HTR4: variants seen among roughly 807,000 people sequenced by gnomAD.
The protein encoded by HTR4 is 5-hydroxytryptamine receptor 4, also known as 5-hydroxytryptamine (serotonin) receptor 4, G protein-coupled.
HTR4 carries 16 observed loss-of-function variants against 36.8 expected under a neutral mutation model. The observed-to-expected ratio is 0.43, with a 90% CI of 0.29 to 0.66. The LOEUF (loss-of-function observed/expected upper bound fraction) is 0.66. Ranked by LOEUF, HTR4 falls within the 30% of genes least tolerant of loss-of-function variation. HTR4 has a pLI of 0.13. For missense variants in HTR4, 438 were observed against 490.9 expected (o/e 0.89, Z 1.02); for synonymous variants, 189 against 185.1 (o/e 1.02, Z -0.17).
intron 4 of HTR4, among the ~76,000 whole-genome samples, chr5:148,528,785 A>G (rs138714092): frequency 3.0e-4 from 45 of 152,222 alleles, no homozygotes; most frequent in African/African-American, 1.0e-3. Flanking sequence ...CCACCACTAG[A>G]CAGAATTAGC....
chr5:148,481,114 C>T (rs1418618574), downstream of HTR4, among the ~76,000 whole-genome samples: 1 of 152,206 alleles, frequency 6.6e-6, no homozygotes, highest in Non-Finnish European at 1.5e-5. Flanking sequence ...TGGGCAGCCA[C>T]AGCAGATTGG....
intron 2 of HTR4, among the ~76,000 whole-genome samples, chr5:148,613,610 A>G (rs948837525): frequency 3.5e-4 from 52 of 150,518 alleles, no homozygotes; most frequent in Admixed American, 3.2e-3. Flanking sequence ...ATTCCCTTTG[A>G]AAACTGGCAC....
chr5:148,499,247 C>T (rs1253091004), intron 6 of HTR4, among the ~76,000 whole-genome samples: 1 of 152,070 alleles, frequency 6.6e-6, no homozygotes, highest in Non-Finnish European at 1.5e-5. Context: ...TTAGGGCTCT[C>T]AAATATAGTA....
chr5:148,488,341 C>A (rs192798233), intron 6 of HTR4, among the ~76,000 whole-genome samples: 3 of 152,342 alleles, frequency 2.0e-5, no homozygotes, highest in Admixed American at 2.0e-4. Context: ...TCTGGTTTAA[C>A]AAGTCTCTAA....
intron 5 of HTR4, among the ~76,000 whole-genome samples, chr5:148,469,305 T>A (rs1172599132): frequency 2.0e-5 from 3 of 152,230 alleles, no homozygotes; most frequent in African/African-American, 4.8e-5. Context: ...TAGCTTTTTT[T>A]ATAGTCATCA....
chr5:148,648,488 A>G (rs1753938969), intron 1 of HTR4, among the ~76,000 whole-genome samples: 1 of 152,216 alleles, frequency 6.6e-6, no homozygotes, highest in Non-Finnish European at 1.5e-5. Flanking sequence ...GGGTTGCCCA[A>G]TGTGCAGGAA....
At chr5:148,513,529 T>A (rs930370813) in intron 5 of HTR4, among the ~76,000 whole-genome samples, 1 of 152,238 alleles carries the variant, frequency 6.6e-6, no homozygotes, top group African/African-American at 2.4e-5. Flanking sequence ...CTTTAACTTC[T>A]ATAACTTCAT....
rs558375033 is a variant in HTR4 at position 148,509,760 on chromosome 5, C to G, written c.772G>C (p.Ala258Pro). ...THRMRTETKA[A>P]KTLCIIMGCF... ...CCCATGATGATGCACAGGGTCTTGG[C>G]TGCTTTGGTCTCTGTCCTCATGCGA... Residue 258 changes from alanine (A) to proline (P), a missense_variant, in exon 6 of 7, where the codon GCC (alanine) becomes CCC (proline). Coordinates refer to ENST00000377888, the MANE Select transcript of HTR4 (RefSeq NM_000870.7). 6.2e-7 allele frequency: 1 copy of G among 1,613,948 alleles called. No individual in the cohort carries two copies. The highest frequency in any genetic ancestry group is 8.5e-7 in the Non-Finnish European group (1 of 1,180,014).
intron 2 of HTR4, among the ~76,000 whole-genome samples, chr5:148,571,756 GA>G (rs964141537): frequency 3.3e-5 from 5 of 152,048 alleles, no homozygotes; most frequent in Non-Finnish European, 7.4e-5. Context: ...GAAGCTCAGA[GA>G]ATGTCAAAGG....
At chr5:148,557,997 C>T (rs1173512952) in intron 2 of HTR4, among the ~76,000 whole-genome samples, 2 of 151,812 alleles carry the variant, frequency 1.3e-5, no homozygotes, top group Non-Finnish European at 2.9e-5. Flanking sequence ...TCTCCTCTCC[C>T]ACCTGTTAGG....
At chr5:148,498,696 T>C (rs1046334988) in intron 6 of HTR4, among the ~76,000 whole-genome samples, 1 of 152,106 alleles carries the variant, frequency 6.6e-6, no homozygotes, top group African/African-American at 2.4e-5. Flanking sequence ...AATGCCCAAG[T>C]TGAAGAAATG....
At chr5:148,504,934 A>C (rs1285412909) in intron 6 of HTR4, among the ~76,000 whole-genome samples, 1 of 152,244 alleles carries the variant, frequency 6.6e-6, no homozygotes, top group Admixed American at 6.5e-5. Context: ...CCCTCCCAAG[A>C]CTAAACCAGG....
chr5:148,649,408 C>A (rs1753966796), intron 1 of HTR4, among the ~76,000 whole-genome samples: 1 of 152,102 alleles, frequency 6.6e-6, no homozygotes, highest in Non-Finnish European at 1.5e-5. Flanking sequence ...ACTTAAATTT[C>A]TGTTGGGTTT....
At chr5:148,466,052 T>C (rs1755418633) in intron 5 of HTR4, 1 of 1,509,854 alleles carries the variant, frequency 6.6e-7, no homozygotes, top group African/African-American at 1.4e-5. Flanking sequence ...CTTGCCAATA[T>C]TCTTAAAGTG....
At chr5:148,582,844 C>T (rs9686837) in intron 2 of HTR4, among the ~76,000 whole-genome samples, 42,779 of 151,560 alleles carry the variant, frequency 0.28, 8,483 homozygotes, top group African/African-American at 0.57. Flanking sequence ...GCTGAGACAA[C>T]GGGGTTTTAT....
At chr5:148,638,679 A>G (rs1422003362) in intron 1 of HTR4, among the ~76,000 whole-genome samples, 1 of 152,236 alleles carries the variant, frequency 6.6e-6, no homozygotes, top group East Asian at 1.9e-4. Context: ...ATGGCCCACC[A>G]TTTACCCAGT....
chr5:148,635,468 G>A (rs747538121), intron 2 of HTR4, among the ~76,000 whole-genome samples: 6 of 152,088 alleles, frequency 3.9e-5, no homozygotes, highest in Non-Finnish European at 5.9e-5. Flanking sequence ...ATATCATCTT[G>A]TATCCTGCAC....
chr5:148,572,530 T>C (rs1370949940), intron 2 of HTR4, among the ~76,000 whole-genome samples: 1 of 152,072 alleles, frequency 6.6e-6, no homozygotes, highest in African/African-American at 2.4e-5. Flanking sequence ...TGAATAGAAA[T>C]GTTTGCCTCT....
At chr5:148,457,828 T>TATC (rs35100997) in intron 5 of HTR4, among the ~76,000 whole-genome samples, 81,275 of 134,872 alleles carry the variant, frequency 0.6, 26,206 homozygotes, top group African/African-American at 0.76. Context: ...ATCATTAAAA[T>TATC]ATATATTTTG....
Sources: gnomAD v4.1 joint callset for allele counts (sites outside exome capture counted in the v4.1 genomes callset) on GRCh38, gnomAD v4.1.1 for gene constraint, MANE v1.5 for transcripts, NCBI Gene and HGNC (gene_info 2026-07-23, HGNC 2026-07-21) for gene names.